Variants in CNBD2 observed in about 807,000 individuals in gnomAD.
CNBD2 encodes the protein cyclic nucleotide-binding domain-containing protein 2.
CNBD2 carries 64 observed loss-of-function variants against 63.7 expected under a neutral mutation model. The ratio of observed to expected loss-of-function variants is 1.00; its 90% confidence interval spans 0.82 to 1.24. The LOEUF (loss-of-function observed/expected upper bound fraction) is 1.24, where lower values mean the gene tolerates loss of function less well. Ranked by LOEUF, CNBD2 falls within the 50% of genes most tolerant of loss-of-function variation. The pLI, the probability that CNBD2 is intolerant of heterozygous loss-of-function variation, is 0.00. For synonymous variants in CNBD2, 229 were observed against 255.4 expected (o/e 0.90, Z 0.99); for missense variants, 691 against 713.5 (o/e 0.97, Z 0.36).
At position 35,975,982 on chromosome 20, in the gene CNBD2, A is replaced by C; in HGVS notation, c.223A>C (p.Met75Leu). The C allele has an allele frequency of 6.2e-7, 1 of 1,613,058 alleles. No individual in the cohort carries two copies. Among genetic ancestry groups the C allele is most frequent in the Non-Finnish European group, 8.5e-7 (1 of 1,179,186 alleles). The change falls in exon 3 of 12, where the codon ATG (methionine) becomes CTG (leucine). Residue 75 changes from methionine to leucine, a missense_variant. Transcript: ENST00000373973. The stretch of plus-strand genomic sequence containing the variant: ...GCAAAGCCGAGTCACATTTGATACC[A>C]TGGACTTCATTGCAGAGGAGGTATG... ...KMQSRVTFDT[M>L]DFIAEEGHFP... is the part of the protein sequence containing the mutation.
At chr20:35,963,873 C>T (rs924757049), upstream of CNBD2, among the ~76,000 whole-genome samples, 7 of 152,112 alleles carry the variant, frequency 4.6e-5, no homozygotes, top group South Asian at 1.4e-3. Context: ...TGGATCCATA[C>T]TGGGGGTTGC....
chr20:35,978,404 G>T (rs908460538), intron 3 of CNBD2, among the ~76,000 whole-genome samples: 1 of 151,226 alleles, frequency 6.6e-6, no homozygotes, highest in Non-Finnish European at 1.5e-5. Context: ...GTGTGTAGTG[G>T]AGCGATCTGG....
In CNBD2 at chr20:36,017,351, A is replaced by G. The variant is rs867186643; in HGVS notation, c.1269+6094A>G. Among the ~76,000 whole-genome samples, 4 of 152,006 alleles carry G rather than the reference A, an allele frequency of 2.6e-5. No homozygotes were observed. In the East Asian group the frequency reaches 5.8e-4, roughly 22 times the overall value. On this transcript the variant is annotated intron_variant, in intron 10 of 11. Transcript: ENST00000373973. ...CCCTCTCCTCTGTTCCTCTGTCACT[A>G]TCTCCAAGGTTGTCCTTATGCCATT...
chr20:36,012,476 T>TTAA (rs2057074923), intron 10 of CNBD2, among the ~76,000 whole-genome samples: 3 of 101,126 alleles, frequency 3.0e-5, no homozygotes, highest in African/African-American at 1.6e-4. Context: ...AAACTCCATC[T>TTAA]CAAAAAAAAA....
At chr20:36,010,327 C>T (rs1477558074) in intron 9 of CNBD2, among the ~76,000 whole-genome samples, 1 of 151,936 alleles carries the variant, frequency 6.6e-6, no homozygotes, top group Non-Finnish European at 1.5e-5. Flanking sequence ...GCCTCCATAA[C>T]GAGCACCCTG....
At position 36,030,476 on chromosome 20, in the gene CNBD2, A is replaced by G; in HGVS notation, c.1559A>G (p.Lys520Arg). The change falls in exon 12 of 12, where the codon AAG (lysine) becomes AGG (arginine). Residue 520 changes from lysine to arginine, a missense_variant. Lys to Arg is a conservative substitution (Grantham distance 26). Coordinates refer to ENST00000373973, the MANE Select transcript of CNBD2 (RefSeq NM_001365709.1). ...CAACTGTTCACTCCAAACCGGCCCA[A>G]GAAGAGAGAGATCTACAACCCTAAG... ...QSQLFTPNRPKKREIYNPKSV... is the reference protein window; with the variant it reads ...QSQLFTPNRPRKREIYNPKSV... 6.2e-7 allele frequency: 1 copy of G among 1,613,704 alleles called. No homozygotes were observed. Among genetic ancestry groups the G allele is most frequent in the Non-Finnish European group, 8.5e-7 (1 of 1,179,918 alleles).
At chr20:36,007,951 G>A (rs1010247819) in intron 8 of CNBD2, among the ~76,000 whole-genome samples, 9 of 152,068 alleles carry the variant, frequency 5.9e-5, no homozygotes, top group East Asian at 5.8e-4. Context: ...TTTGAAGGCC[G>A]GGATAAATAT....
chr20:35,963,688 T>C (rs2147177669), upstream of CNBD2, among the ~76,000 whole-genome samples: 1 of 152,278 alleles, frequency 6.6e-6, no homozygotes, highest in South Asian at 2.1e-4. Context: ...GTCACTTTGG[T>C]AAATTATTTT....
chr20:36,009,602 C>A (rs536646721), intron 9 of CNBD2, among the ~76,000 whole-genome samples: 2 of 152,058 alleles, frequency 1.3e-5, no homozygotes. Flanking sequence ...GCGGCTGAAG[C>A]GGGCGGATTG....
At chr20:36,016,643 G>A (rs1013322480) in intron 10 of CNBD2, among the ~76,000 whole-genome samples, 2 of 151,984 alleles carry the variant, frequency 1.3e-5, no homozygotes, top group Non-Finnish European at 2.9e-5. Context: ...TACAGAATTA[G>A]CCAGGTGTGG....
Position 36,030,434 on chromosome 20 carries a change from T to A in CNBD2, c.1517T>A (p.Val506Glu). The change falls in exon 12 of 12, where the codon GTG becomes GAG. Residue 506 changes from valine (V) to glutamate (E), a missense_variant. Val to Glu is a moderately radical substitution (Grantham distance 121). Transcript: ENST00000373973. The part of the protein sequence containing the change: ...IFRKDLLQLL[V>E]EPCQSQLFTP... ...CGGAAGGACCTGTTGCAGCTGCTCG[T>A]GGAGCCTTGCCAAAGTCAACTGTTC... 1 of 1,614,170 alleles carries A rather than the reference T, an allele frequency of 6.2e-7. No homozygotes were observed.
chr20:35,988,257 C>A (rs936998513), intron 7 of CNBD2, among the ~76,000 whole-genome samples: 1 of 152,156 alleles, frequency 6.6e-6, no homozygotes, highest in African/African-American at 2.4e-5. Context: ...ACCTCTGCCT[C>A]CTGGGTTCAA....
intron 8 of CNBD2, among the ~76,000 whole-genome samples, chr20:35,996,502 C>CTTTTTTTTTTT (rs1349894287): frequency 6.8e-6 from 1 of 146,508 alleles, no homozygotes; most frequent in Non-Finnish European, 1.5e-5. Flanking sequence ...TAATAGCTCT[C>CTTTTTTTTTTT]TTTTTGTTTT....
At chr20:35,977,540 C>T (rs1465575295) in intron 3 of CNBD2, among the ~76,000 whole-genome samples, 1 of 152,148 alleles carries the variant, frequency 6.6e-6, no homozygotes, top group African/African-American at 2.4e-5. Context: ...TAGCTAGGCA[C>T]GGTGGCTCAC....
At chr20:36,024,506 G>A (rs1215540148) in intron 11 of CNBD2, among the ~76,000 whole-genome samples, 1 of 151,952 alleles carries the variant, frequency 6.6e-6, no homozygotes, top group Non-Finnish European at 1.5e-5. Context: ...GTGGGCCTCT[G>A]TAATCCCAGC....
chr20:35,981,549 C>G (rs1330587946), intron 4 of CNBD2, among the ~76,000 whole-genome samples: 1 of 152,098 alleles, frequency 6.6e-6, no homozygotes, highest in African/African-American at 2.4e-5. Flanking sequence ...GAGCCTTCCA[C>G]CTCGGCCTCC....
chr20:36,021,778 C>T (rs6121126), intron 10 of CNBD2, among the ~76,000 whole-genome samples: 2,679 of 152,228 alleles, frequency 0.018, 77 homozygotes, highest in African/African-American at 0.061. Context: ...CCTTAAAAAG[C>T]GGATTGCACC....
chr20:36,020,342 A>G (rs991024663), intron 10 of CNBD2, among the ~76,000 whole-genome samples: 1 of 152,088 alleles, frequency 6.6e-6, no homozygotes, highest in African/African-American at 2.4e-5. Context: ...CGGCCTCCCA[A>G]AGTGCTGGGA....
intron 10 of CNBD2, among the ~76,000 whole-genome samples, chr20:36,020,704 G>A (rs1416913437): frequency 6.6e-6 from 1 of 152,122 alleles, no homozygotes; most frequent in African/African-American, 2.4e-5. Context: ...TTCCTCTCCA[G>A]AGTAGGAGCT....
Sources: allele counts gnomAD v4.1 joint callset (sites outside exome capture counted in the v4.1 genomes callset), GRCh38; gene constraint gnomAD v4.1.1; transcripts MANE v1.5; gene names NCBI Gene and HGNC (gene_info 2026-07-23, HGNC 2026-07-21).